FRMD5: variants seen among roughly 807,000 people sequenced by gnomAD.
FRMD5 encodes FERM domain-containing protein 5.
Under a neutral mutation model 69.0 loss-of-function variants are expected in FRMD5, and 20 were observed. The observed-to-expected ratio is 0.29, with a 90% CI of 0.20 to 0.42. FRMD5 has a LOEUF of 0.42. Among genes scored for constraint, FRMD5 ranks in the 10% least tolerant of loss-of-function variants. The pLI is 1.00. For missense variants in FRMD5, 595 were observed against 708.6 expected, an observed-to-expected ratio of 0.84 and a Z score of 1.82; for synonymous variants, 271 against 260.1, an observed-to-expected ratio of 1.04 and a Z score of -0.40.
chr15:43,988,487 C>A (rs572641221), intron 1 of FRMD5, among the ~76,000 whole-genome samples: 1 of 151,870 alleles, frequency 6.6e-6, no homozygotes, highest in East Asian at 1.9e-4. Context: ...ATAAGGCATG[C>A]ACTTTTATTC....
At chr15:44,134,742 G>A (rs1360858147) in intron 1 of FRMD5, among the ~76,000 whole-genome samples, 2 of 152,176 alleles carry the variant, frequency 1.3e-5, no homozygotes, top group East Asian at 1.9e-4. Context: ...GAGCCAACGC[G>A]CCCAGCCCCG....
At chr15:43,952,022 G>C (rs1019755150) in intron 1 of FRMD5, among the ~76,000 whole-genome samples, 50 of 145,648 alleles carry the variant, frequency 3.4e-4, no homozygotes, top group Admixed American at 7.5e-4. Flanking sequence ...GTGTGTGTGT[G>C]TGTGTGTGTG....
At chr15:44,092,701 C>A (rs1464208392) in intron 1 of FRMD5, among the ~76,000 whole-genome samples, 1 of 152,034 alleles carries the variant, frequency 6.6e-6, no homozygotes, top group African/African-American at 2.4e-5. Context: ...AATTTTGCTA[C>A]AACCATGCTA....
chr15:43,872,991 CTT>C lies in FRMD5; in HGVS notation c.*892_*893del, dbSNP rs2088201366. 1.7e-6 allele frequency: 1 copy of C among 588,208 alleles called. No homozygotes were observed. The highest frequency in any genetic ancestry group is 2.9e-6 in the Non-Finnish European group (1 of 339,118). 36.4% of individuals were successfully genotyped at this position (588,208 alleles called of 1,614,324 possible). A position where few individuals can be genotyped will look rare whatever the true frequency, so the allele number is the denominator to read the frequency against. The stretch of plus-strand genomic sequence containing the variant: ...TTAACTCTGCTTTCTCTTAACTACA[CTT>C]TGTCCAACATTTCTGACAGAACTAT... On this transcript the variant is annotated 3_prime_UTR_variant, in exon 14 of 14. Coordinates refer to ENST00000417257, the MANE Select transcript of FRMD5 (RefSeq NM_032892.5).
intron 1 of FRMD5, among the ~76,000 whole-genome samples, chr15:43,985,864 T>G (rs540317252): frequency 2.6e-5 from 4 of 152,246 alleles, no homozygotes; most frequent in Admixed American, 2.6e-4. Flanking sequence ...AAAGAGAAAC[T>G]TCACTAAGAT....
intron 1 of FRMD5, among the ~76,000 whole-genome samples, chr15:44,050,805 G>A (rs936736300): frequency 6.6e-6 from 1 of 151,322 alleles, no homozygotes; most frequent in Non-Finnish European, 1.5e-5. Flanking sequence ...TTACAGGTGC[G>A]CACCACCACA....
In FRMD5 at chr15:43,902,110, G is replaced by A. The variant is rs1268345360; in HGVS notation, c.639+65C>T. 9 of 1,178,540 alleles carry A rather than the reference G, an allele frequency of 7.6e-6. 1 individual carries two copies. In the Admixed American group the frequency reaches 1.4e-4, roughly 18 times the overall value. The allele number at this position is 1,178,540 out of a possible 1,614,324, so 73.0% of individuals were successfully genotyped here. Reference sequence around the variant, plus strand: ...GGGGGCCTCTGAGCGCAGGCATGGGGGCTCTTGCTCCTGATGCCTTCTAGA... The same window carrying A: ...GGGGGCCTCTGAGCGCAGGCATGGGAGCTCTTGCTCCTGATGCCTTCTAGA... On this transcript the variant is annotated intron_variant, in intron 7 of 13. Coordinates refer to ENST00000417257, the MANE Select transcript of FRMD5 (RefSeq NM_032892.5).
intron 1 of FRMD5, among the ~76,000 whole-genome samples, chr15:44,097,630 C>T (rs1204830185): frequency 6.6e-6 from 1 of 152,196 alleles, no homozygotes; most frequent in Non-Finnish European, 1.5e-5. Context: ...TATATACACA[C>T]ACAGAACCGT....
intron 4 of FRMD5, among the ~76,000 whole-genome samples, chr15:43,916,700 C>T (rs2089394076): frequency 6.6e-6 from 1 of 152,106 alleles, no homozygotes; most frequent in East Asian, 1.9e-4. Context: ...AAGATCTGAG[C>T]TCCCAGGTCT....
rs1042589799 is a variant in FRMD5 at position 44,191,439 on chromosome 15, G to A, written c.102+3514C>T. 3.3e-5 allele frequency among the ~76,000 whole-genome samples: 5 copies of A among 151,782 alleles called. No individual in the cohort carries two copies. The East Asian group carries it at 5.8e-4, about 18-fold the overall frequency. On this transcript the variant is annotated intron_variant, in intron 1 of 13. Transcript: ENST00000417257. ...CGTCTCTACTAAAAATACAAAAATT[G>A]GCCAGGCATGGTGGTGGGTGCCTGT...
intron 1 of FRMD5, among the ~76,000 whole-genome samples, chr15:44,073,043 A>G (rs1188719885): frequency 1.3e-5 from 2 of 152,144 alleles, no homozygotes; most frequent in Non-Finnish European, 2.9e-5. Context: ...CTGAGGCAGG[A>G]GGGTTGCCAG....
chr15:44,174,564 A>G (rs1259000176), intron 1 of FRMD5, among the ~76,000 whole-genome samples: 1 of 152,156 alleles, frequency 6.6e-6, no homozygotes, highest in African/African-American at 2.4e-5. Flanking sequence ...AGATAACCTC[A>G]TTTTTTAGTC....
chr15:44,013,191 C>T (rs1890802447), intron 1 of FRMD5, among the ~76,000 whole-genome samples: 1 of 152,106 alleles, frequency 6.6e-6, no homozygotes, highest in African/African-American at 2.4e-5. Flanking sequence ...GAGTTTAAGA[C>T]CAGCTTGGGC....
At chr15:43,985,131 A>G (rs1010860982) in intron 1 of FRMD5, among the ~76,000 whole-genome samples, 1 of 151,432 alleles carries the variant, frequency 6.6e-6, no homozygotes, top group African/African-American at 2.4e-5. Flanking sequence ...ATACAAAAAA[A>G]TTAGCCTGGT....
intron 1 of FRMD5, among the ~76,000 whole-genome samples, chr15:44,172,094 C>CTT (rs35080273): frequency 8.7e-4 from 122 of 140,532 alleles, no homozygotes; most frequent in African/African-American, 2.7e-3. Flanking sequence ...TATCACTACA[C>CTT]TTTTTTTTTT....
chr15:44,037,644 T>A (rs1365376853), intron 1 of FRMD5, among the ~76,000 whole-genome samples: 2 of 151,598 alleles, frequency 1.3e-5, no homozygotes, highest in African/African-American at 2.4e-5. Flanking sequence ...TTTTTTTTTT[T>A]TATAGTTTTA....
chr15:43,878,143 C>T (rs1271154350), intron 13 of FRMD5, among the ~76,000 whole-genome samples: 1 of 152,150 alleles, frequency 6.6e-6, no homozygotes, highest in Non-Finnish European at 1.5e-5. Flanking sequence ...GCTGGGACTA[C>T]AGGCATGTGC....
In FRMD5 at chr15:43,923,595, G is replaced by A. The variant is rs576145240; in HGVS notation, c.207+610C>T. On this transcript the variant is annotated intron_variant, in intron 2 of 13. Transcript: ENST00000417257. ...GAGGGCAAAAGTATTACTGTCTGGC[G>A]GGACCACAGCAGGTTGGGGAGATGA... 2.6e-5 allele frequency among the ~76,000 whole-genome samples: 4 copies of A among 152,310 alleles called. No homozygotes were observed. The East Asian group carries it at 5.8e-4, about 22-fold the overall frequency.
intron 1 of FRMD5, among the ~76,000 whole-genome samples, chr15:44,017,828 C>G (rs909478993): frequency 2.0e-5 from 3 of 151,864 alleles, no homozygotes; most frequent in African/African-American, 7.3e-5. Context: ...CCAGGATGGT[C>G]TCGATCTCCT....
Sources: gnomAD v4.1 joint callset for allele counts (sites outside exome capture counted in the v4.1 genomes callset) on GRCh38, gnomAD v4.1.1 for gene constraint, MANE v1.5 for transcripts, NCBI Gene and HGNC (gene_info 2026-07-23, HGNC 2026-07-21) for gene names.